The following ACYP2 variants were observed in gnomAD, a reference collection of about 807,000 sequenced individuals.
ACYP2 encodes acylphosphatase 2, also known as acylphosphatase-2.
ACYP2 carries 12 observed loss-of-function variants against 11.2 expected under a neutral mutation model. The observed-to-expected ratio is 1.08, with a 90% CI of 0.69 to 1.74. The LOEUF (loss-of-function observed/expected upper bound fraction) is 1.74. Ranked by LOEUF, ACYP2 falls within the 40% of genes most tolerant of loss-of-function variation. The probability of loss-of-function intolerance (pLI) is 0.00; values close to 1 mark genes in which losing one functional copy is unlikely to be tolerated. For missense variants in ACYP2, 134 were observed against 101.9 expected, an observed-to-expected ratio of 1.31 and a Z score of -1.35; for synonymous variants, 43 against 32.2, an observed-to-expected ratio of 1.33 and a Z score of -1.13.
intron 6 of ACYP2, among the ~76,000 whole-genome samples, chr2:54,281,275 T>C (rs994917562): frequency 6.6e-6 from 1 of 152,224 alleles, no homozygotes; most frequent in African/African-American, 2.4e-5. Flanking sequence ...GACAGTGGGA[T>C]ATATTCTGAT....
intron 6 of ACYP2, among the ~76,000 whole-genome samples, chr2:54,298,869 A>G (rs142459112): frequency 6.6e-6 from 1 of 152,226 alleles, no homozygotes; most frequent in Non-Finnish European, 1.5e-5. Flanking sequence ...CTCTTGCCTC[A>G]GCCTCCTGAG....
At chr2:54,095,342 A>C (rs998029352) in intron 4 of ACYP2, among the ~76,000 whole-genome samples, 1 of 152,126 alleles carries the variant, frequency 6.6e-6, no homozygotes, top group Non-Finnish European at 1.5e-5. Flanking sequence ...CCTTTCCCCC[A>C]CTTCTATTCC....
intron 6 of ACYP2, among the ~76,000 whole-genome samples, chr2:54,235,205 T>G (rs1472752558): frequency 1.3e-5 from 2 of 152,316 alleles, no homozygotes; most frequent in African/African-American, 4.8e-5. Context: ...GCTAGCCTTG[T>G]AAGATGAGCT....
chr2:54,177,342 T>C (rs1389018269), intron 6 of ACYP2, among the ~76,000 whole-genome samples: 1 of 152,148 alleles, frequency 6.6e-6, no homozygotes, highest in Non-Finnish European at 1.5e-5. Context: ...CCACAGCTCA[T>C]GGTGTGAGGT....
intron 4 of ACYP2, among the ~76,000 whole-genome samples, chr2:54,128,370 AT>A (rs1238726079): frequency 2.5e-4 from 37 of 150,858 alleles, no homozygotes; most frequent in African/African-American, 9.2e-4. Flanking sequence ...AGCTTTTCAA[AT>A]TCCATTTTTT....
At chr2:54,089,237 T>A (rs1396906527) in intron 4 of ACYP2, among the ~76,000 whole-genome samples, 1 of 152,228 alleles carries the variant, frequency 6.6e-6, no homozygotes, top group Non-Finnish European at 1.5e-5. Context: ...CAATGAACCT[T>A]GAATAACAAA....
At chr2:54,103,320 G>T (rs756027036) in intron 4 of ACYP2, among the ~76,000 whole-genome samples, 3 of 152,160 alleles carry the variant, frequency 2.0e-5, no homozygotes, top group Non-Finnish European at 4.4e-5. Context: ...CATTATTTCA[G>T]ATATCTGTTG....
chr2:54,064,350 C>T (rs1410234790), intron 4 of ACYP2, among the ~76,000 whole-genome samples: 1 of 152,168 alleles, frequency 6.6e-6, no homozygotes, highest in East Asian at 1.9e-4. Context: ...AGAAGCAGAA[C>T]AGTGAGGGCT....
chr2:54,273,884 AAC>A (rs1408946807), intron 6 of ACYP2, among the ~76,000 whole-genome samples: 2 of 152,036 alleles, frequency 1.3e-5, no homozygotes, highest in African/African-American at 4.8e-5. Flanking sequence ...AATAGTTACA[AAC>A]AATTATTTTT....
chr2:54,020,007 A>G (rs1380284585), intron 2 of ACYP2, among the ~76,000 whole-genome samples: 4 of 150,644 alleles, frequency 2.7e-5, no homozygotes, highest in Non-Finnish European at 5.9e-5. Flanking sequence ...CAATGGTGCA[A>G]TCTCGGCTCA....
chr2:54,010,640 G>C (rs1673309796), intron 2 of ACYP2, among the ~76,000 whole-genome samples: 1 of 151,680 alleles, frequency 6.6e-6, no homozygotes, highest in Admixed American at 6.6e-5. Flanking sequence ...AAAGAGAAGA[G>C]AGTGGTGTTA....
At chr2:54,195,966 T>A (rs1168449356) in intron 6 of ACYP2, among the ~76,000 whole-genome samples, 1 of 151,730 alleles carries the variant, frequency 6.6e-6, no homozygotes, top group East Asian at 1.9e-4. Context: ...CTCAGCTAAT[T>A]TTTGTATTTT....
chr2:54,264,626 GA>G (rs1195985307), intron 6 of ACYP2, among the ~76,000 whole-genome samples: 1 of 152,232 alleles, frequency 6.6e-6, no homozygotes, highest in Non-Finnish European at 1.5e-5. Flanking sequence ...CCCAAAAAGG[GA>G]TGCCGGTCTG....
At chr2:54,135,283 G>A (rs1480648796) in intron 4 of ACYP2, among the ~76,000 whole-genome samples, 170 bp from the exon 2 acceptor site, 3 of 152,038 alleles carry the variant, frequency 2.0e-5, no homozygotes, top group Non-Finnish European at 4.4e-5. Flanking sequence ...TTTATTTCTG[G>A]AATTTTAAAT....
chr2:54,191,175 A>G (rs1156776806), intron 6 of ACYP2, among the ~76,000 whole-genome samples: 1 of 152,036 alleles, frequency 6.6e-6, no homozygotes, highest in Non-Finnish European at 1.5e-5. Context: ...TCTCTGCACA[A>G]CAGCCACCCT....
chr2:54,176,431 G>GC (rs562606349), intron 6 of ACYP2, among the ~76,000 whole-genome samples: 117 of 152,328 alleles, frequency 7.7e-4, no homozygotes, highest in African/African-American at 2.8e-3. Context: ...TGGTTGTTGA[G>GC]CTGTCATACC....
intron 6 of ACYP2, among the ~76,000 whole-genome samples, chr2:54,226,273 G>A (rs1686007425): frequency 6.6e-6 from 1 of 152,146 alleles, no homozygotes; most frequent in Admixed American, 6.5e-5. Context: ...AGTAAAAATG[G>A]ACTCTCCTGG....
At chr2:54,029,630 T>C in intron 2 of ACYP2, 1 of 372,492 alleles carries the variant, frequency 2.7e-6, no homozygotes, top group South Asian at 2.5e-5. Flanking sequence ...TCTGATCATT[T>C]TCCTTCATGC....
At chr2:54,173,581 T>G (rs1234733845) in intron 6 of ACYP2, among the ~76,000 whole-genome samples, 3 of 152,228 alleles carry the variant, frequency 2.0e-5, no homozygotes, top group Non-Finnish European at 4.4e-5. Flanking sequence ...TTGTTGCCAT[T>G]GCTTTTGGTG....
Sources: gnomAD v4.1 joint callset for allele counts (sites outside exome capture counted in the v4.1 genomes callset) on GRCh38, gnomAD v4.1.1 for gene constraint, MANE v1.5 for transcripts, NCBI Gene and HGNC (gene_info 2026-07-23, HGNC 2026-07-21) for gene names.